The following RAPGEF4 variants were observed in gnomAD, a reference collection of about 807,000 sequenced individuals.
The protein encoded by RAPGEF4 is Rap guanine nucleotide exchange factor 4.
RAPGEF4 carries 66 observed loss-of-function variants against 147.9 expected under a neutral mutation model. That is an observed-to-expected ratio of 0.45 (90% CI 0.37 to 0.55). The LOEUF (loss-of-function observed/expected upper bound fraction) is 0.55, where lower values mean the gene tolerates loss of function less well. Ranked by LOEUF, RAPGEF4 falls within the 20% of genes least tolerant of loss-of-function variation. The probability of loss-of-function intolerance (pLI) is 0.00; values close to 1 mark genes in which losing one functional copy is unlikely to be tolerated. For missense variants in RAPGEF4, 1,071 were observed against 1,257.3 expected (o/e 0.85, Z 2.24); for synonymous variants, 419 against 442.7 (o/e 0.95, Z 0.67).
At chr2:172,896,011 G>A (rs1698435781) in intron 4 of RAPGEF4, among the ~76,000 whole-genome samples, 1 of 152,124 alleles carries the variant, frequency 6.6e-6, no homozygotes, top group Admixed American at 6.5e-5. Context: ...AAATAAACGA[G>A]CAGTGAAAAA....
chr2:173,011,477 A>G (rs1477010546), intron 17 of RAPGEF4, among the ~76,000 whole-genome samples: 2 of 152,098 alleles, frequency 1.3e-5, no homozygotes, highest in African/African-American at 4.8e-5. Context: ...ATAGCATAAG[A>G]ATATTGACTT....
intron 3 of RAPGEF4, among the ~76,000 whole-genome samples, chr2:172,805,141 G>T (rs1221318882): frequency 6.6e-6 from 1 of 152,136 alleles, no homozygotes; most frequent in African/African-American, 2.4e-5. Context: ...ACCACATGTT[G>T]CTTCTTCTCT....
intron 29 of RAPGEF4, among the ~76,000 whole-genome samples, chr2:173,046,994 T>C (rs1202783791): frequency 6.6e-6 from 1 of 152,218 alleles, no homozygotes; most frequent in African/African-American, 2.4e-5. Flanking sequence ...CAAGGGTCCG[T>C]GAGAGAAGAA....
chr2:172,805,093 C>T (rs900275099), intron 3 of RAPGEF4, among the ~76,000 whole-genome samples: 1 of 152,190 alleles, frequency 6.6e-6, no homozygotes, highest in Non-Finnish European at 1.5e-5. Flanking sequence ...CACTGCTTTC[C>T]CCTCTCACAG....
chr2:172,979,278 G>A (rs1175288519), intron 10 of RAPGEF4, among the ~76,000 whole-genome samples: 3 of 152,126 alleles, frequency 2.0e-5, no homozygotes, highest in Non-Finnish European at 2.9e-5. Flanking sequence ...CCCTCAGGAC[G>A]CAAAAGAACT....
intron 17 of RAPGEF4, among the ~76,000 whole-genome samples, chr2:173,010,723 T>C (rs980315867): frequency 3.3e-5 from 5 of 152,236 alleles, no homozygotes; most frequent in African/African-American, 1.2e-4. Flanking sequence ...TGGGAATGAA[T>C]AGAAACATCA....
At position 172,809,796 on chromosome 2, in the gene RAPGEF4, G is replaced by A. The variant is rs187602529; in HGVS notation, c.298-4483G>A. 3.8e-3 allele frequency among the ~76,000 whole-genome samples: 585 copies of A among 152,238 alleles called. 2 individuals carry two copies. The highest frequency in any genetic ancestry group is 6.2e-3 in the Non-Finnish European group (419 of 68,002). ...AAGCCCCTCACCTCCCCTCCACCAA[G>A]TGCTGGTATAACAGGAATGAGTGAT... On this transcript the variant is annotated intron_variant, in intron 3 of 30. Transcript: ENST00000397081.
At chr2:172,830,996 T>G in intron 4 of RAPGEF4, among the ~76,000 whole-genome samples, 1 of 152,130 alleles carries the variant, frequency 6.6e-6, no homozygotes, top group Non-Finnish European at 1.5e-5. Context: ...AATAGGTTGC[T>G]GGGCAAGACT....
intron 3 of RAPGEF4, among the ~76,000 whole-genome samples, chr2:172,813,159 A>G (rs2149600621): frequency 6.6e-6 from 1 of 152,356 alleles, no homozygotes; most frequent in Non-Finnish European, 1.5e-5. Context: ...TAATGTGATT[A>G]CAGAGTCACT....
chr2:173,051,402 G>A (rs1457215386), intron 30 of RAPGEF4, among the ~76,000 whole-genome samples: 2 of 151,556 alleles, frequency 1.3e-5, no homozygotes, highest in Non-Finnish European at 2.9e-5. Flanking sequence ...TTTTTACAAC[G>A]TGCAATTCAA....
At chr2:172,766,613 A>G (rs548531468) in intron 1 of RAPGEF4, among the ~76,000 whole-genome samples, 11 of 152,098 alleles carry the variant, frequency 7.2e-5, no homozygotes, top group African/African-American at 2.2e-4. Flanking sequence ...CACAATCGAG[A>G]TAGCACACAT....
intron 1 of RAPGEF4, among the ~76,000 whole-genome samples, chr2:172,779,261 C>T (rs1684460300): frequency 6.6e-6 from 1 of 152,100 alleles, no homozygotes; most frequent in Admixed American, 6.5e-5. Flanking sequence ...ATGTTAGAAG[C>T]TGTTACGTGC....
rs115663090 is a variant in RAPGEF4 at position 172,846,461 on chromosome 2, A to G, written c.444+32036A>G. ...GAATAGTATTTCATTGACTGGATAT[A>G]CCACATTTTATCTATTCACCTGCAA... On this transcript the variant is annotated intron_variant, in intron 4 of 30. Transcript: ENST00000397081. Among the ~76,000 whole-genome samples the G allele has an allele frequency of 9.5e-3, 1,446 of 152,310 alleles. 13 individuals are homozygous for G. Among genetic ancestry groups the G allele is most frequent in the African/African-American group, 0.032 (1,340 of 41,554 alleles).
Position 173,017,510 on chromosome 2 carries a change from A to T in RAPGEF4, c.2008+6A>T. On this transcript the variant is annotated splice_donor_region_variant and intron_variant, in intron 21 of 30. Coordinates refer to ENST00000397081, the MANE Select transcript of RAPGEF4 (RefSeq NM_007023.4). ...TATCCGCGGCTCTGATGAAGGTGAG[A>T]ACCCTCTTCCAACTAACTCGTAGTT... The T allele has an allele frequency of 1.2e-6, 2 of 1,609,698 alleles. No individual in the cohort carries two copies. The highest frequency in any genetic ancestry group is 1.7e-6 in the Non-Finnish European group (2 of 1,176,086).
chr2:172,945,481 A>G (rs1402425226), intron 6 of RAPGEF4, among the ~76,000 whole-genome samples: 1 of 152,050 alleles, frequency 6.6e-6, no homozygotes, highest in Non-Finnish European at 1.5e-5. Context: ...AATTATGTTT[A>G]TTGTAGCTTT....
chr2:172,967,088 G>A (rs536560470), intron 9 of RAPGEF4, 173 bp from the exon 10 acceptor site: 108 of 622,178 alleles, frequency 1.7e-4, no homozygotes, highest in Middle Eastern at 4.4e-4. Flanking sequence ...CTGCAGCCCC[G>A]AGGTCATGTC....
At chr2:173,043,685 C>T (rs1423001617) in intron 29 of RAPGEF4, among the ~76,000 whole-genome samples, 1 of 152,236 alleles carries the variant, frequency 6.6e-6, no homozygotes, top group Non-Finnish European at 1.5e-5. Context: ...GGCTGGCCTG[C>T]TCCTGAGGGG....
chr2:172,881,648 A>G (rs1696640999), intron 4 of RAPGEF4, among the ~76,000 whole-genome samples: 1 of 152,188 alleles, frequency 6.6e-6, no homozygotes, highest in Admixed American at 6.5e-5. Flanking sequence ...CTTCTCTAAC[A>G]AGGAAAATAA....
chr2:172,876,986 G>T (rs957297809), intron 4 of RAPGEF4, among the ~76,000 whole-genome samples: 68 of 151,986 alleles, frequency 4.5e-4, no homozygotes, highest in Non-Finnish European at 7.4e-4. Flanking sequence ...GGGTGTAGGT[G>T]TCGAGGAATT....
Sources: gnomAD v4.1 joint callset for allele counts (sites outside exome capture counted in the v4.1 genomes callset) on GRCh38, gnomAD v4.1.1 for gene constraint, MANE v1.5 for transcripts, NCBI Gene and HGNC (gene_info 2026-07-23, HGNC 2026-07-21) for gene names.